Variants in GRIA4 observed in about 807,000 individuals in gnomAD.
GRIA4 encodes the protein glutamate receptor 4.
In GRIA4, 34 loss-of-function variants were observed where a neutral mutation model predicts 104.0. The observed-to-expected ratio is 0.33, with a 90% CI of 0.25 to 0.44. The LOEUF (loss-of-function observed/expected upper bound fraction) is 0.44, where lower values mean the gene tolerates loss of function less well. GRIA4 is among the 20% of genes least tolerant of loss of function. GRIA4 has a pLI of 1.00. For synonymous variants in GRIA4, 386 were observed against 381.9 expected (o/e 1.01, Z -0.13); for missense variants, 750 against 1,096.5 (o/e 0.68, Z 4.46).
At chr11:105,709,110 A>G (rs1246891583) in intron 3 of GRIA4, among the ~76,000 whole-genome samples, 2 of 152,138 alleles carry the variant, frequency 1.3e-5, no homozygotes, top group Non-Finnish European at 2.9e-5. Context: ...TCAGAAAATA[A>G]GGAAATGCTT....
At chr11:105,805,890 C>T (rs563998718) in intron 4 of GRIA4, among the ~76,000 whole-genome samples, 1 of 151,834 alleles carries the variant, frequency 6.6e-6, no homozygotes, top group South Asian at 2.1e-4. Flanking sequence ...TAACTGGAAA[C>T]GAAGGGCTTG....
intron 3 of GRIA4, among the ~76,000 whole-genome samples, chr11:105,747,090 T>C (rs1281108146): frequency 6.6e-6 from 1 of 152,204 alleles, no homozygotes; most frequent in Non-Finnish European, 1.5e-5. Flanking sequence ...GTGAACTTTC[T>C]GTTCAAATTT....
chr11:105,969,209 C>G (rs996358778), intron 14 of GRIA4, among the ~76,000 whole-genome samples: 1 of 152,098 alleles, frequency 6.6e-6, no homozygotes, highest in Non-Finnish European at 1.5e-5. Context: ...AGCCACTTTC[C>G]TCTATCACAG....
chr11:105,839,798 A>C (rs1944328483), intron 4 of GRIA4, among the ~76,000 whole-genome samples: 1 of 152,094 alleles, frequency 6.6e-6, no homozygotes, highest in Admixed American at 6.5e-5. Context: ...TAATTCTTAT[A>C]ATCAGCTTCT....
intron 3 of GRIA4, among the ~76,000 whole-genome samples, chr11:105,673,313 A>T (rs912486758): frequency 9.9e-5 from 15 of 152,240 alleles, no homozygotes; most frequent in Admixed American, 2.6e-4. Flanking sequence ...GAAACCATGG[A>T]TTTGACTAAG....
intron 3 of GRIA4, among the ~76,000 whole-genome samples, chr11:105,661,270 T>C (rs1313985229): frequency 1.3e-5 from 2 of 151,604 alleles, no homozygotes; most frequent in East Asian, 1.9e-4. Context: ...ATGCCTTCAA[T>C]TGATATACAT....
At chr11:105,651,293 G>C (rs1951679944) in intron 3 of GRIA4, among the ~76,000 whole-genome samples, 2 of 152,094 alleles carry the variant, frequency 1.3e-5, no homozygotes. Flanking sequence ...CCTCTTCGAA[G>C]TCTACAACTG....
intron 14 of GRIA4, among the ~76,000 whole-genome samples, chr11:105,946,047 G>T (rs192448657): frequency 6.6e-6 from 1 of 152,072 alleles, no homozygotes; most frequent in African/African-American, 2.4e-5. Context: ...GATTTTTAAG[G>T]TGCCATAGGA....
chr11:105,941,950 T>A lies in GRIA4; in HGVS notation c.2294+7981T>A, dbSNP rs566073800. Among the ~76,000 whole-genome samples the A allele has an allele frequency of 2.5e-4, 38 of 152,198 alleles. 1 individual carries two copies. Among genetic ancestry groups the A allele is most frequent in the Non-Finnish European group, 4.7e-4 (32 of 67,964 alleles). On this transcript the variant is annotated intron_variant, in intron 14 of 16. Transcript: ENST00000282499. ...GTAACTAAGAAAAGACATCATCAGC[T>A]CCCTAGTCCCTAAATTCTCATCTTT... is the stretch of plus-strand genomic sequence containing the variant.
Position 105,610,888 on chromosome 11 carries a change from TTGGTTGA to T in GRIA4, c.-90-18_-90-12del. ...TTCTTTTCTTTTTTTTTTTTTTTTTTTGGTTGATTTTAATTTTAGCGCCATCGTCTTC... is the reference window on the plus strand; with the variant it reads ...TTCTTTTCTTTTTTTTTTTTTTTTTTTTTTAATTTTAGCGCCATCGTCTTC... On this transcript the variant is annotated splice_polypyrimidine_tract_variant and intron_variant, in intron 1 of 16. Coordinates refer to ENST00000282499, the MANE Select transcript of GRIA4 (RefSeq NM_000829.4). The T allele has an allele frequency of 3.5e-6, 1 of 288,824 alleles. No individual in the cohort carries two copies. Among genetic ancestry groups the T allele is most frequent in the Admixed American group, 7.3e-5 (1 of 13,642 alleles). The allele number at this position is 288,824 out of a possible 1,614,324, so 17.9% of individuals were successfully genotyped here. A position where few individuals can be genotyped will look rare whatever the true frequency, so the allele number is the denominator to read the frequency against.
At chr11:105,835,440 CTATAT>C (rs1944141295) in intron 4 of GRIA4, among the ~76,000 whole-genome samples, 1 of 151,860 alleles carries the variant, frequency 6.6e-6, no homozygotes, top group South Asian at 2.1e-4. Flanking sequence ...CTTTCTTAGC[CTATAT>C]TATAACAAAT....
intron 3 of GRIA4, among the ~76,000 whole-genome samples, chr11:105,695,478 C>CTGTGTGTG (rs368292284): frequency 1.6e-4 from 21 of 135,154 alleles, no homozygotes; most frequent in Non-Finnish European, 3.2e-4. Context: ...GTGTGTGTGT[C>CTGTGTGTG]TGTGTGTGTG....
chr11:105,974,492 C>T (rs1475434076), intron 16 of GRIA4, 48 bp downstream of exon 16: 1 of 1,613,536 alleles, frequency 6.2e-7, no homozygotes, highest in Non-Finnish European at 8.5e-7. Flanking sequence ...CGCAGAATAC[C>T]CAGAATTTAG....
intron 3 of GRIA4, among the ~76,000 whole-genome samples, chr11:105,618,429 G>A (rs1302310684): frequency 2.6e-5 from 4 of 151,980 alleles, no homozygotes; most frequent in South Asian, 2.1e-4. Flanking sequence ...AGAGAGAAAA[G>A]CACATAGATC....
rs1354021238 is a variant in GRIA4 at position 105,753,204 on chromosome 11, G to C, written c.471G>C (p.Leu157=). The change falls in exon 4 of 17, where the codon CTG becomes CTC. Residue 157 remains leucine (L), a synonymous_variant. Coordinates refer to ENST00000282499, the MANE Select transcript of GRIA4 (RefSeq NM_000829.4). ...ACGAATGGAACTGTTTTGTCTTCCT[G>C]TATGACACAGACAGGGGTAAGTCCA... ...DHYEWNCFVF[L]YDTDRGYSIL... is the part of the protein sequence containing the mutation. 3 of 1,613,712 alleles carry C rather than the reference G, an allele frequency of 1.9e-6. No individual in the cohort carries two copies. The highest frequency in any genetic ancestry group is 4.5e-5 in the East Asian group (2 of 44,840).
At chr11:105,718,685 A>G (rs1213590619) in intron 3 of GRIA4, among the ~76,000 whole-genome samples, 2 of 152,192 alleles carry the variant, frequency 1.3e-5, no homozygotes, top group African/African-American at 4.8e-5. Context: ...GTCTCGACCT[A>G]GTTAAGGAAC....
At chr11:105,902,483 A>C (rs1370679320) in intron 7 of GRIA4, among the ~76,000 whole-genome samples, 1 of 151,888 alleles carries the variant, frequency 6.6e-6, no homozygotes, top group East Asian at 1.9e-4. Flanking sequence ...ATAGGTGCAC[A>C]CAACCACGCC....
At chr11:105,865,109 C>T (rs1226808213) in intron 5 of GRIA4, among the ~76,000 whole-genome samples, 1 of 152,014 alleles carries the variant, frequency 6.6e-6, no homozygotes, top group African/African-American at 2.4e-5. Context: ...AAATGTATTG[C>T]TATTTAATAT....
intron 4 of GRIA4, among the ~76,000 whole-genome samples, chr11:105,846,206 A>G (rs1944587978): frequency 6.6e-6 from 1 of 152,346 alleles, no homozygotes; most frequent in Non-Finnish European, 1.5e-5. Flanking sequence ...TTCTGTGTCA[A>G]TAATTCTAAA....
Sources: gnomAD v4.1 joint callset for allele counts (sites outside exome capture counted in the v4.1 genomes callset) on GRCh38, gnomAD v4.1.1 for gene constraint, MANE v1.5 for transcripts, NCBI Gene and HGNC (gene_info 2026-07-23, HGNC 2026-07-21) for gene names.